Variants in FMO2 observed in about 807,000 individuals in gnomAD.
FMO2 encodes flavin-containing monooxygenase 2.
In FMO2, 33 loss-of-function variants were observed where a neutral mutation model predicts 41.6. The ratio of observed to expected loss-of-function variants is 0.79; its 90% CI spans 0.60 to 1.06. The LOEUF is 1.06. Ranked by LOEUF, FMO2 falls within the 50% of genes least tolerant of loss-of-function variation. The probability of loss-of-function intolerance (pLI) is 0.00; values close to 1 mark genes in which losing one functional copy is unlikely to be tolerated. For missense variants in FMO2, 619 were observed against 632.9 expected (o/e 0.98, Z 0.23); for synonymous variants, 214 against 219.6 (o/e 0.97, Z 0.23).
Position 171,199,340 on chromosome 1 carries a change from C to G in FMO2, c.485-6C>G, listed in dbSNP as rs1658434173. 6.3e-7 allele frequency: 1 copy of G among 1,584,396 alleles called. No individual in the cohort carries two copies. The highest frequency in any genetic ancestry group is 1.4e-5 in the African/African-American group (1 of 73,418). ...CTCACAGACTTCTCTCTTCTTCCCC[C>G]TGAAGGTATGGAGAGGTTCAAAGGC... On this transcript the variant is annotated splice_polypyrimidine_tract_variant and splice_region_variant and intron_variant, in intron 4 of 8. Coordinates refer to ENST00000209929, the MANE Select transcript of FMO2 (RefSeq NM_001460.5).
At chr1:171,187,492 A>T (rs1441095739) in intron 2 of FMO2, among the ~76,000 whole-genome samples, 1 of 151,918 alleles carries the variant, frequency 6.6e-6, no homozygotes, top group East Asian at 1.9e-4. Context: ...ATGACCATAA[A>T]CCACACCTGG....
chr1:171,188,733 C>T (rs993212268), intron 2 of FMO2, among the ~76,000 whole-genome samples: 5 of 152,150 alleles, frequency 3.3e-5, no homozygotes, highest in African/African-American at 1.2e-4. Context: ...ACAACTCCTA[C>T]TGGGATTACT....
At chr1:171,185,414 T>A (rs961350854) in intron 1 of FMO2, 55 bp downstream of exon 1, 18 of 207,058 alleles carry the variant, frequency 8.7e-5, no homozygotes, top group Non-Finnish European at 1.6e-4. Context: ...GAACTCTAGC[T>A]GGAAATTTGG....
At position 171,199,476 on chromosome 1, in the gene FMO2, G is replaced by C. The variant is rs746454731; in HGVS notation, c.615G>C (p.Lys205Asn). ...SGSDIAVELS[K>N]NAAQVFISTR... The stretch of plus-strand genomic sequence containing the variant: ...CAGATATTGCTGTTGAGCTGAGTAA[G>C]AATGCTGCTCAGGTGTGATGCTCTC... The change falls in exon 5 of 9, where the codon AAG (lysine) becomes AAC (asparagine). Residue 205 changes from lysine to asparagine, a missense_variant. By Grantham distance (94) the Lys-to-Asn change is moderately conservative (BLOSUM62 0). Coordinates refer to ENST00000209929, the MANE Select transcript of FMO2 (RefSeq NM_001460.5). 6.2e-7 allele frequency: 1 copy of C among 1,610,566 alleles called. No individual in the cohort carries two copies. Among genetic ancestry groups the C allele is most frequent in the Non-Finnish European group, 8.5e-7 (1 of 1,178,558 alleles).
chr1:171,192,987 A>T (rs1358167427), intron 2 of FMO2, among the ~76,000 whole-genome samples: 2 of 152,118 alleles, frequency 1.3e-5, no homozygotes, highest in Admixed American at 1.3e-4. Context: ...AGCCTCCCCA[A>T]GGGGAATTTA....
rs1659015766 is a variant in FMO2, at chr1:171,212,343, G to T, written c.*3198G>T. Among the ~76,000 whole-genome samples, 1 of 152,174 alleles carries T rather than the reference G, an allele frequency of 6.6e-6. No homozygotes were observed. The highest frequency in any genetic ancestry group is 6.5e-5 in the Admixed American group (1 of 15,290). On this transcript the variant is annotated 3_prime_UTR_variant, in exon 9 of 9. Transcript: ENST00000209929. ...AGCAAGAAGGCCCTCATCAGATGCT[G>T]GCCCCTTGGTCTTGAATTTCCTAGC...
chr1:171,191,860 CAAAAAAAA>C, intron 2 of FMO2, among the ~76,000 whole-genome samples: 1 of 73,770 alleles, frequency 1.4e-5, no homozygotes, highest in Admixed American at 1.4e-4. Flanking sequence ...CTCATCTCTA[CAAAAAAAA>C]AAAAAAAAAA....
At chr1:171,192,756 ACT>A (rs1333372035) in intron 2 of FMO2, among the ~76,000 whole-genome samples, 1 of 119,586 alleles carries the variant, frequency 8.4e-6, no homozygotes, top group Non-Finnish European at 1.6e-5. Flanking sequence ...ACAGAGCGAG[ACT>A]CTGTCTCAAA....
chr1:171,200,760 C>G (rs1658504891), intron 5 of FMO2, among the ~76,000 whole-genome samples: 1 of 152,138 alleles, frequency 6.6e-6, no homozygotes, highest in African/African-American at 2.4e-5. Context: ...CACTTATCAC[C>G]TCAGTGTGAA....
At chr1:171,196,257 A>G (rs1203914565) in intron 3 of FMO2, among the ~76,000 whole-genome samples, 1 of 152,230 alleles carries the variant, frequency 6.6e-6, no homozygotes, top group Admixed American at 6.5e-5. Flanking sequence ...GAGCAATAAC[A>G]AGGGTGATGC....
intron 6 of FMO2, among the ~76,000 whole-genome samples, chr1:171,204,707 G>A (rs1658681222): frequency 6.6e-6 from 1 of 151,954 alleles, no homozygotes. Context: ...AAAAGAAAAT[G>A]TTCTCAAATC....
In FMO2 at chr1:171,211,208, G is replaced by A. The variant is rs1658967308; in HGVS notation, c.*2063G>A. The stretch of plus-strand genomic sequence containing the variant: ...CAAATCTAGCTCACTATCTGTTTTT[G>A]TAAATAAAATTTTATAATAGTACAC... On this transcript the variant is annotated 3_prime_UTR_variant, in exon 9 of 9. Transcript: ENST00000209929. 1 of 152,128 alleles carries A rather than the reference G, an allele frequency of 6.6e-6. No homozygotes were observed. Among genetic ancestry groups the A allele is most frequent in the Non-Finnish European group, 1.5e-5 (1 of 68,036 alleles). 9.4% of individuals were successfully genotyped at this position (152,128 alleles called of 1,614,324 possible).
chr1:171,203,323 T>TCACACACACACACACA (rs10628039), intron 5 of FMO2, among the ~76,000 whole-genome samples: 29 of 144,056 alleles, frequency 2.0e-4, no homozygotes, highest in African/African-American at 7.6e-4. Context: ...AGACCCTGTC[T>TCACACACACACACACA]CACACACACA....
chr1:171,190,305 TAG>T (rs1474570340), intron 2 of FMO2, among the ~76,000 whole-genome samples: 3 of 152,224 alleles, frequency 2.0e-5, no homozygotes, highest in African/African-American at 4.8e-5. Flanking sequence ...CTTGGTTTGC[TAG>T]AGTTTTCTGA....
chr1:171,193,282 CA>C (rs1289660243), intron 2 of FMO2, 52 bp from the exon 3 acceptor site: 12 of 1,423,852 alleles, frequency 8.4e-6, no homozygotes, highest in Non-Finnish European at 1.2e-5. Context: ...GAGTAAAAAA[CA>C]AAAAATTTTT....
intron 2 of FMO2, among the ~76,000 whole-genome samples, chr1:171,191,109 C>T (rs1658066517): frequency 1.3e-5 from 2 of 151,778 alleles, no homozygotes; most frequent in East Asian, 1.9e-4. Flanking sequence ...CATGACATTG[C>T]ACTCCAGCCT....
chr1:171,189,373 T>TA (rs28369822), intron 2 of FMO2, among the ~76,000 whole-genome samples: 53,359 of 151,924 alleles, frequency 0.35, 10,318 homozygotes, highest in East Asian at 0.55. Context: ...CTTTCTCTCT[T>TA]AAATTTGGCT....
intron 8 of FMO2, 71 bp downstream of exon 8, chr1:171,207,861 A>G (rs1658829555): frequency 2.0e-6 from 2 of 997,804 alleles, no homozygotes; most frequent in East Asian, 4.8e-5. Flanking sequence ...TACTTACAAG[A>G]ACCACCTAGC....
At chr1:171,204,226 C>G (rs1658660517) in intron 6 of FMO2, among the ~76,000 whole-genome samples, 162 bp downstream of exon 6, 1 of 152,080 alleles carries the variant, frequency 6.6e-6, no homozygotes, top group Non-Finnish European at 1.5e-5. Flanking sequence ...TAAATTTGTT[C>G]TGTATGCCTT....
Sources: allele counts gnomAD v4.1 joint callset (sites outside exome capture counted in the v4.1 genomes callset), GRCh38; gene constraint gnomAD v4.1.1; transcripts MANE v1.5; gene names NCBI Gene and HGNC (gene_info 2026-07-23, HGNC 2026-07-21).